Variants in ZFYVE28 observed in about 807,000 individuals in gnomAD.
ZFYVE28 encodes zinc finger FYVE-type containing 28.
Under a neutral mutation model 82.1 loss-of-function variants are expected in ZFYVE28, and 40 were observed. The ratio of observed to expected loss-of-function variants is 0.49; its 90% CI spans 0.38 to 0.63. The LOEUF (loss-of-function observed/expected upper bound fraction) is 0.63, where lower values mean the gene tolerates loss of function less well. ZFYVE28 is among the 30% of genes least tolerant of loss of function. The pLI is 0.00. For missense variants in ZFYVE28, 1,321 were observed against 1,242.1 expected, an observed-to-expected ratio of 1.06 and a Z score of -0.96; for synonymous variants, 612 against 546.1, an observed-to-expected ratio of 1.12 and a Z score of -1.68.
rs1578296588 is a variant in ZFYVE28, at chr4:2,372,831, C to T, written c.40-18758G>A. Reference sequence around the variant, plus strand: ...AAGACCTAGCCTCCCCGAGGCCTCTCCCCATGGCTGACTCACTGCAGCCTG... The same window carrying T: ...AAGACCTAGCCTCCCCGAGGCCTCTTCCCATGGCTGACTCACTGCAGCCTG... On this transcript the variant is annotated intron_variant, in intron 1 of 12. Transcript: ENST00000290974. The surrounding 1 kb of genome is among the most constrained non-coding windows in gnomAD (Gnocchi z 5.2). 6.6e-6 allele frequency among the ~76,000 whole-genome samples: 1 copy of T among 152,126 alleles called. No homozygotes were observed. The highest frequency in any genetic ancestry group is 1.9e-4 in the East Asian group (1 of 5,188).
intron 6 of ZFYVE28, among the ~76,000 whole-genome samples, chr4:2,321,580 G>T (rs189508428): frequency 1.3e-5 from 2 of 151,964 alleles, no homozygotes; most frequent in African/African-American, 4.8e-5. Context: ...TGAGCTGCCT[G>T]TCCTGATTGA....
intron 1 of ZFYVE28, among the ~76,000 whole-genome samples, chr4:2,358,758 A>T (rs1725701002): frequency 6.6e-6 from 1 of 152,100 alleles, no homozygotes; most frequent in Admixed American, 6.5e-5. Flanking sequence ...CCTAACCCCC[A>T]GGACTCAGAA....
chr4:2,387,072 G>A (rs1427053395), intron 1 of ZFYVE28, among the ~76,000 whole-genome samples: 1 of 152,146 alleles, frequency 6.6e-6, no homozygotes, highest in Non-Finnish European at 1.5e-5. Context: ...GCCGGGGCCG[G>A]GGCCGGGGCC....
In ZFYVE28 at chr4:2,338,525, G is replaced by A. The variant is rs112610806; in HGVS notation, c.521+928C>T. On this transcript the variant is annotated intron_variant, in intron 4 of 12. Transcript: ENST00000290974. ...GGAGAATGGCTTGAACTCAGGAGGTGGAGGTCGCGGTGAGCTGAGATCGTG... is the reference window on the plus strand; with the variant it reads ...GGAGAATGGCTTGAACTCAGGAGGTAGAGGTCGCGGTGAGCTGAGATCGTG... 6.2e-3 allele frequency among the ~76,000 whole-genome samples: 943 copies of A among 152,304 alleles called. 11 individuals carry two copies. The highest frequency in any genetic ancestry group is 0.021 in the African/African-American group (887 of 41,556).
rs1726322290 is a variant in ZFYVE28 at position 2,362,655 on chromosome 4, G to A, written c.40-8582C>T. On this transcript the variant is annotated intron_variant, in intron 1 of 12. Transcript: ENST00000290974. This position sits in a 1 kb window ranked among gnomAD's most constrained non-coding sequence, Gnocchi z 5.1. The stretch of plus-strand genomic sequence containing the variant: ...GCCCACTGACCTGGCAGCACCACCA[G>A]CCACCGGCAGCAGATCTGGGGCCCC... 6.6e-6 allele frequency among the ~76,000 whole-genome samples: 1 copy of A among 152,156 alleles called. No individual in the cohort carries two copies. Among genetic ancestry groups the A allele is most frequent in the Non-Finnish European group, 1.5e-5 (1 of 68,020 alleles).
Position 2,274,231 on chromosome 4 carries a change from A to C in ZFYVE28, c.2052-15T>G, listed in dbSNP as rs752544204. On this transcript the variant is annotated splice_polypyrimidine_tract_variant and intron_variant, in intron 8 of 12. Transcript: ENST00000290974. Reference sequence around the variant, plus strand: ...CTGTGGAGCTGCTGCATGGAGAAGGAGATACCGGTGTGTGGGGTGGGGCAT... The same window carrying C: ...CTGTGGAGCTGCTGCATGGAGAAGGCGATACCGGTGTGTGGGGTGGGGCAT... The C allele has an allele frequency of 6.2e-7, 1 of 1,609,246 alleles. No individual in the cohort carries two copies.
intron 1 of ZFYVE28, among the ~76,000 whole-genome samples, chr4:2,398,396 G>T (rs1730716939): frequency 6.6e-6 from 1 of 152,258 alleles, no homozygotes; most frequent in Non-Finnish European, 1.5e-5. Context: ...CGGAGTGGCA[G>T]CTCGAGAGAT....
In ZFYVE28 at chr4:2,305,531, A is replaced by T; in HGVS notation, c.809T>A (p.Leu270Ter). 6.2e-7 allele frequency: 1 copy of T among 1,612,980 alleles called. No individual in the cohort carries two copies. The highest frequency in any genetic ancestry group is 8.5e-7 in the Non-Finnish European group (1 of 1,180,016). Reference protein sequence around the residue: ...FHTLLRKIRDLLQTLTEEELH... With the variant: ...FHTLLRKIRD The stretch of plus-strand genomic sequence containing the variant: ...CTCCTCCTCCGTCAGCGTCTGCAGC[A>T]AATCCCTACGAATCAAGACAAAACC... Residue 270 changes from leucine to a stop codon, truncating the protein, a stop_gained, in exon 8 of 13, where the codon TTG becomes TAG. Coordinates refer to ENST00000290974, the MANE Select transcript of ZFYVE28 (RefSeq NM_020972.3). LOFTEE classifies it high-confidence loss of function.
chr4:2,337,435 T>C lies in ZFYVE28; in HGVS notation c.583A>G (p.Ile195Val), dbSNP rs1179173057. 1.2e-6 allele frequency: 2 copies of C among 1,610,184 alleles called. No individual in the cohort carries two copies. The highest frequency in any genetic ancestry group is 8.5e-7 in the Non-Finnish European group (1 of 1,178,002). ...PREYYVQQEVIVLFCETVERA... is the reference protein window; with the variant it reads ...PREYYVQQEVVVLFCETVERA... Reference sequence around the variant, plus strand: ...TCCACCGTCTCGCAGAAGAGCACGATGACCTCCTGCTGCACGTAGTACTCC... The same window carrying C: ...TCCACCGTCTCGCAGAAGAGCACGACGACCTCCTGCTGCACGTAGTACTCC... Residue 195 changes from isoleucine to valine, a missense_variant, in exon 5 of 13, where the codon ATC becomes GTC. Physicochemically the swap from Ile to Val is conservative, Grantham distance 29. Around this residue, in one of 2 missense-constraint regions of ZFYVE28, gnomAD observed 343 missense variants for 408.4 expected, o/e 0.84. Transcript: ENST00000290974.
At chr4:2,323,154 T>C (rs1434187589) in intron 6 of ZFYVE28, among the ~76,000 whole-genome samples, 2 of 152,198 alleles carry the variant, frequency 1.3e-5, no homozygotes, top group Non-Finnish European at 2.9e-5. Flanking sequence ...AGCTGTGGCA[T>C]TTTACACTCC....
chr4:2,377,976 A>G (rs1204446253), intron 1 of ZFYVE28, among the ~76,000 whole-genome samples: 3 of 152,250 alleles, frequency 2.0e-5, no homozygotes, highest in African/African-American at 7.2e-5. Flanking sequence ...GCTGAACAGT[A>G]TACTGTAGAC....
chr4:2,275,888 C>G (rs544172286), intron 8 of ZFYVE28, among the ~76,000 whole-genome samples: 1 of 152,370 alleles, frequency 6.6e-6, no homozygotes, highest in East Asian at 1.9e-4. Flanking sequence ...GGGCAGGATC[C>G]CAAGTCCGCC....
chr4:2,320,883 C>G lies in ZFYVE28; in HGVS notation c.702-612G>C, dbSNP rs528732381. The stretch of plus-strand genomic sequence containing the variant: ...GACTGGGGCCGCATGTGGCTGAGGC[C>G]GGCTTTCCTCACTGTCCCTCCCCCA... On this transcript the variant is annotated intron_variant, in intron 6 of 12. Coordinates refer to ENST00000290974, the MANE Select transcript of ZFYVE28 (RefSeq NM_020972.3). This position sits in a 1 kb window ranked among gnomAD's most constrained non-coding sequence, Gnocchi z 5.1. 1.3e-5 allele frequency among the ~76,000 whole-genome samples: 2 copies of G among 152,146 alleles called. No homozygotes were observed. The highest frequency in any genetic ancestry group is 4.8e-5 in the African/African-American group (2 of 41,438).
intron 8 of ZFYVE28, among the ~76,000 whole-genome samples, chr4:2,278,635 G>C (rs1711516955): frequency 6.6e-6 from 1 of 151,318 alleles, no homozygotes; most frequent in Non-Finnish European, 1.5e-5. Context: ...TGCTTCATAG[G>C]ACACCACCAA....
intron 8 of ZFYVE28, among the ~76,000 whole-genome samples, chr4:2,275,058 G>C (rs1281700978): frequency 6.6e-6 from 1 of 151,108 alleles, no homozygotes. Context: ...AGTCAGAACA[G>C]GGCCCGGGAC....
rs375739755 is a variant in ZFYVE28, at chr4:2,341,649, G to T, written c.181-34C>A. The T allele has an allele frequency of 1.9e-6, 3 of 1,590,870 alleles. No homozygotes were observed. In the African/African-American group the frequency reaches 4.0e-5, roughly 21 times the overall value. On this transcript the variant is annotated intron_variant, in intron 2 of 12. Coordinates refer to ENST00000290974, the MANE Select transcript of ZFYVE28 (RefSeq NM_020972.3). The surrounding 1 kb of genome is among the most constrained non-coding windows in gnomAD (Gnocchi z 4.5). ...GAAGACAGGAGAAAGTGCGCCAATC[G>T]CTGTGTCCAGCTGGCGGCCGCCATG...
Position 2,333,187 on chromosome 4 carries a change from C to T in ZFYVE28, c.701+2518G>A, listed in dbSNP as rs549178134. Reference sequence around the variant, plus strand: ...CCAACCTCCCTCCCTTGGCCTCCCCCGCAGCACTGGCCTCCCCTGCTGCCC... The same window carrying T: ...CCAACCTCCCTCCCTTGGCCTCCCCTGCAGCACTGGCCTCCCCTGCTGCCC... On this transcript the variant is annotated intron_variant, in intron 6 of 12. Coordinates refer to ENST00000290974, the MANE Select transcript of ZFYVE28 (RefSeq NM_020972.3). 3.4e-5 allele frequency among the ~76,000 whole-genome samples: 5 copies of T among 148,706 alleles called. No individual in the cohort carries two copies. In the East Asian group the frequency reaches 8.0e-4, roughly 24 times the overall value.
At chr4:2,369,592 G>C (rs960205624) in intron 1 of ZFYVE28, among the ~76,000 whole-genome samples, 1 of 152,094 alleles carries the variant, frequency 6.6e-6, no homozygotes, top group Non-Finnish European at 1.5e-5. Flanking sequence ...GGACTCTCTG[G>C]GTGGGCCCTA....
chr4:2,360,400 C>A lies in ZFYVE28; in HGVS notation c.40-6327G>T, dbSNP rs1317220361. Among the ~76,000 whole-genome samples the A allele has an allele frequency of 9.4e-4, 142 of 151,370 alleles. 2 individuals carry two copies. Among genetic ancestry groups the A allele is most frequent in the Middle Eastern group, 3.5e-3 (1 of 286 alleles). ...AAAGAGAGCTGTAATCACACACACA[C>A]ACACACACACACACACACACACACA... On this transcript the variant is annotated intron_variant, in intron 1 of 12. Coordinates refer to ENST00000290974, the MANE Select transcript of ZFYVE28 (RefSeq NM_020972.3).
Sources: allele counts gnomAD v4.1 joint callset (sites outside exome capture counted in the v4.1 genomes callset), GRCh38; gene constraint gnomAD v4.1.1; regional missense constraint gnomAD v4.1.1; non-coding constraint Gnocchi (gnomAD v3.1); transcripts MANE v1.5; gene names NCBI Gene and HGNC (gene_info 2026-07-23, HGNC 2026-07-21).